The following ASIC2 variants were observed in gnomAD, a reference collection of about 807,000 sequenced individuals.
The protein encoded by ASIC2 is acid sensing ion channel subunit 2.
A neutral mutation model predicts 57.3 loss-of-function variants in ASIC2; 25 were observed. The ratio of observed to expected loss-of-function variants is 0.44; its 90% CI spans 0.32 to 0.61. ASIC2 has a LOEUF of 0.61. Ranked by LOEUF, ASIC2 falls within the 20% of genes least tolerant of loss-of-function variation. The pLI, the probability that ASIC2 is intolerant of heterozygous loss-of-function variation, is 0.06. For missense variants in ASIC2, 641 were observed against 738.1 expected (o/e 0.87, Z 1.52); for synonymous variants, 319 against 307.5 (o/e 1.04, Z -0.39).
intron 1 of ASIC2, among the ~76,000 whole-genome samples, chr17:33,269,537 C>A (rs112227377): frequency 3.0e-4 from 46 of 152,222 alleles, no homozygotes; most frequent in African/African-American, 1.0e-3. Flanking sequence ...TCCCACAGGC[C>A]CCCAGGAAGC....
intron 1 of ASIC2, among the ~76,000 whole-genome samples, chr17:34,056,409 C>T (rs904653432): frequency 6.6e-6 from 1 of 152,112 alleles, no homozygotes; most frequent in African/African-American, 2.4e-5. Context: ...TTTTATGAAC[C>T]AATTCTGGTA....
chr17:34,142,694 G>A (rs2142137481), intron 1 of ASIC2, among the ~76,000 whole-genome samples: 1 of 152,324 alleles, frequency 6.6e-6, no homozygotes, highest in South Asian at 2.1e-4. Context: ...TCAAGTCACT[G>A]ATTCAGAGGC....
chr17:33,563,102 A>G (rs763712634), intron 1 of ASIC2, among the ~76,000 whole-genome samples: 4 of 152,182 alleles, frequency 2.6e-5, no homozygotes, highest in Admixed American at 6.5e-5. Flanking sequence ...GCCACCCGTC[A>G]AACTGGGGAA....
At chr17:33,238,908 G>A (rs1908396787) in intron 1 of ASIC2, among the ~76,000 whole-genome samples, 1 of 152,156 alleles carries the variant, frequency 6.6e-6, no homozygotes, top group African/African-American at 2.4e-5. Context: ...GGAGGCTGAG[G>A]ATGGAAAATC....
intron 1 of ASIC2, among the ~76,000 whole-genome samples, chr17:33,644,092 G>A (rs753037744): frequency 1.3e-5 from 2 of 152,180 alleles, no homozygotes; most frequent in African/African-American, 2.4e-5. Flanking sequence ...CCATGGCCAA[G>A]TCACCCTCTT....
At chr17:33,397,647 T>C (rs1910128042) in intron 1 of ASIC2, among the ~76,000 whole-genome samples, 1 of 152,146 alleles carries the variant, frequency 6.6e-6, no homozygotes, top group South Asian at 2.1e-4. Context: ...CCTGGGGATC[T>C]GGGACAGGGT....
At chr17:33,607,752 C>T (rs140494581) in intron 1 of ASIC2, among the ~76,000 whole-genome samples, 2 of 152,148 alleles carry the variant, frequency 1.3e-5, no homozygotes, top group Non-Finnish European at 2.9e-5. Context: ...CTTTGGACCA[C>T]TCACTACAGA....
At chr17:34,056,261 T>C (rs551093035) in intron 1 of ASIC2, among the ~76,000 whole-genome samples, 2 of 152,308 alleles carry the variant, frequency 1.3e-5, no homozygotes, top group South Asian at 2.1e-4. Flanking sequence ...GAGTAGACAT[T>C]AAGCAGACAC....
chr17:33,713,792 G>A (rs767147591), intron 1 of ASIC2, among the ~76,000 whole-genome samples: 3 of 152,248 alleles, frequency 2.0e-5, no homozygotes, highest in Non-Finnish European at 4.4e-5. Context: ...TAATAGCAAA[G>A]TAGTTAATGC....
intron 1 of ASIC2, among the ~76,000 whole-genome samples, chr17:33,259,137 G>T (rs568800397): frequency 1.3e-5 from 2 of 152,282 alleles, no homozygotes; most frequent in African/African-American, 4.8e-5. Context: ...AGTGGCATTT[G>T]TCTAAAACTT....
intron 3 of ASIC2, among the ~76,000 whole-genome samples, chr17:33,073,575 C>G (rs965711863): frequency 6.6e-6 from 1 of 152,136 alleles, no homozygotes; most frequent in Non-Finnish European, 1.5e-5. Context: ...TCACTCATTG[C>G]GACCATCACA....
rs946764575 is a variant in ASIC2 at position 33,017,512 on chromosome 17, G to A, written c.1521+93C>T. The A allele has an allele frequency of 3.9e-5, 41 of 1,040,978 alleles. No individual in the cohort carries two copies. The African/African-American group carries it at 5.3e-4, about 13-fold the overall frequency. 64.5% of individuals were successfully genotyped at this position (1,040,978 alleles called of 1,614,324 possible). A position where few individuals can be genotyped will look rare whatever the true frequency, so the allele number is the denominator to read the frequency against. ...GGGAAGCAGGCTCTGCATGGAGAGAGGCACCGCCTTCCCTCTACTATGATT... is the reference window on the plus strand; with the variant it reads ...GGGAAGCAGGCTCTGCATGGAGAGAAGCACCGCCTTCCCTCTACTATGATT... On this transcript the variant is annotated intron_variant, in intron 8 of 9. Coordinates refer to ENST00000225823, the MANE Select transcript of ASIC2 (RefSeq NM_183377.2).
At chr17:33,541,367 A>C (rs115788190) in intron 1 of ASIC2, 7 of 152,270 alleles carry the variant, frequency 4.6e-5, no homozygotes, top group African/African-American at 1.4e-4. Flanking sequence ...AAACCCCACA[A>C]TGTCCCCCCC....
chr17:33,018,471 G>A (rs961428714), intron 7 of ASIC2, among the ~76,000 whole-genome samples: 1 of 152,214 alleles, frequency 6.6e-6, no homozygotes, highest in African/African-American at 2.4e-5. Context: ...GACTTCAGAT[G>A]GCTGGAGACT....
chr17:33,860,121 T>G (rs1426011489), intron 1 of ASIC2, among the ~76,000 whole-genome samples: 3 of 152,182 alleles, frequency 2.0e-5, no homozygotes, highest in Non-Finnish European at 2.9e-5. Flanking sequence ...CATGATTTCC[T>G]CATTTTTAAC....
At chr17:33,981,808 T>C (rs1197286846) in intron 1 of ASIC2, among the ~76,000 whole-genome samples, 2 of 152,228 alleles carry the variant, frequency 1.3e-5, no homozygotes, top group African/African-American at 4.8e-5. Context: ...ATATGTATTA[T>C]TTGTATCCCT....
chr17:33,036,938 A>G (rs1238079571), intron 3 of ASIC2, among the ~76,000 whole-genome samples: 1 of 152,124 alleles, frequency 6.6e-6, no homozygotes, highest in African/African-American at 2.4e-5. Flanking sequence ...TTGATATTCT[A>G]TGATTTAGAA....
intron 1 of ASIC2, among the ~76,000 whole-genome samples, chr17:33,442,035 T>A (rs1911842503): frequency 6.6e-6 from 1 of 152,218 alleles, no homozygotes; most frequent in Non-Finnish European, 1.5e-5. Flanking sequence ...CAACCCATAC[T>A]TCCCCCCCAA....
intron 1 of ASIC2, among the ~76,000 whole-genome samples, chr17:33,948,660 TC>T (rs1323253002): frequency 2.0e-5 from 3 of 152,242 alleles, no homozygotes; most frequent in Non-Finnish European, 4.4e-5. Flanking sequence ...TGCCCTGGCT[TC>T]CCCGCTTAGT....
Sources: gnomAD v4.1 joint callset for allele counts (sites outside exome capture counted in the v4.1 genomes callset) on GRCh38, gnomAD v4.1.1 for gene constraint, MANE v1.5 for transcripts, NCBI Gene and HGNC (gene_info 2026-07-23, HGNC 2026-07-21) for gene names.